The following PRKAR1B variants were observed in gnomAD, a reference collection of about 807,000 sequenced individuals.
PRKAR1B encodes the protein cAMP-dependent protein kinase type I-beta regulatory subunit.
Under a neutral mutation model 46.5 loss-of-function variants are expected in PRKAR1B, and 22 were observed. That is an observed-to-expected ratio of 0.47 (90% CI 0.34 to 0.68). The LOEUF is 0.68. PRKAR1B is among the 30% of genes least tolerant of loss of function. The probability of loss-of-function intolerance (pLI) is 0.01; values close to 1 mark genes in which losing one functional copy is unlikely to be tolerated. For missense variants in PRKAR1B, 445 were observed against 535.6 expected, an observed-to-expected ratio of 0.83 and a Z score of 1.67; for synonymous variants, 259 against 217.7, an observed-to-expected ratio of 1.19 and a Z score of -1.67.
At chr7:632,645 G>A (rs1261078354) in intron 4 of PRKAR1B, among the ~76,000 whole-genome samples, 3 of 152,194 alleles carry the variant, frequency 2.0e-5, no homozygotes, top group Non-Finnish European at 4.4e-5. Flanking sequence ...ATGCTGCTGC[G>A]TGTCTGCTCT....
chr7:722,907 G>A (rs4724821), intron 1 of PRKAR1B, among the ~76,000 whole-genome samples: 54,097 of 151,488 alleles, frequency 0.36, 9,762 homozygotes, highest in South Asian at 0.49. Context: ...ATTGCAGCCT[G>A]TTTTTGTGGT....
chr7:683,403 C>T (rs544054395), intron 2 of PRKAR1B, among the ~76,000 whole-genome samples: 2 of 152,260 alleles, frequency 1.3e-5, no homozygotes, highest in East Asian at 3.9e-4. Flanking sequence ...CCAGGTGCAC[C>T]GGTCCAGGTG....
rs1400453378 is a variant in PRKAR1B, at chr7:638,875, G to A, written c.441-31423C>T. Among the ~76,000 whole-genome samples, 7 of 151,586 alleles carry A rather than the reference G, an allele frequency of 4.6e-5. No individual in the cohort carries two copies. In the East Asian group the frequency reaches 7.8e-4, roughly 17 times the overall value. On this transcript the variant is annotated intron_variant, in intron 4 of 10. Coordinates refer to ENST00000537384, the MANE Select transcript of PRKAR1B (RefSeq NM_001164760.2). ...GCGGATCACTTGAGGTCAGGAGTTCGAGACCATCCTGGCCAACATGGTGAA... is the reference window on the plus strand; with the variant it reads ...GCGGATCACTTGAGGTCAGGAGTTCAAGACCATCCTGGCCAACATGGTGAA...
At chr7:726,574 CACG>C (rs1781293346) in intron 1 of PRKAR1B, 4 of 543,532 alleles carry the variant, frequency 7.4e-6, no homozygotes, top group Admixed American at 4.9e-5. Context: ...AGCGGGCGAG[CACG>C]ACAAGAGCAC....
chr7:588,340 T>A (rs187773631), intron 7 of PRKAR1B, among the ~76,000 whole-genome samples: 3 of 152,208 alleles, frequency 2.0e-5, no homozygotes, highest in Admixed American at 2.0e-4. Flanking sequence ...AATGAGACCA[T>A]AAAAATCCCT....
intron 1 of PRKAR1B, among the ~76,000 whole-genome samples, chr7:725,066 T>C (rs1008522883): frequency 6.6e-6 from 1 of 151,888 alleles, no homozygotes; most frequent in African/African-American, 2.4e-5. Flanking sequence ...TACAAAAAAT[T>C]AGCTGGGCGT....
At chr7:717,089 G>A (rs959845045) in intron 1 of PRKAR1B, among the ~76,000 whole-genome samples, 65 of 152,194 alleles carry the variant, frequency 4.3e-4, no homozygotes, top group African/African-American at 1.3e-3. Flanking sequence ...CCAGGAGTTC[G>A]AGACCAGCCT....
chr7:580,421 G>C (rs899836879), intron 8 of PRKAR1B, among the ~76,000 whole-genome samples: 1 of 151,718 alleles, frequency 6.6e-6, no homozygotes, highest in Non-Finnish European at 1.5e-5. Context: ...AATAATACAT[G>C]AATAACAAAA....
chr7:711,202 G>A lies in PRKAR1B; in HGVS notation c.177+127C>T. 4 of 1,322,716 alleles carry A rather than the reference G, an allele frequency of 3.0e-6. No individual in the cohort carries two copies. The South Asian group carries it at 4.1e-5, about 14-fold the overall frequency. 81.9% of individuals were successfully genotyped at this position (1,322,716 alleles called of 1,614,324 possible). ...CCCCGCGCTTCTGGAAGGACCTGCA[G>A]GACGGCAGACAGTCTCTGGGGCACC... is the stretch of plus-strand genomic sequence containing the variant. On this transcript the variant is annotated intron_variant, in intron 2 of 10. Transcript: ENST00000537384.
intron 3 of PRKAR1B, among the ~76,000 whole-genome samples, chr7:679,461 G>A (rs985139635): frequency 6.6e-6 from 1 of 152,228 alleles, no homozygotes; most frequent in South Asian, 2.1e-4. Flanking sequence ...TGAAGTTCTG[G>A]GTCTTGGGGA....
rs1780622833 is a variant in PRKAR1B, at chr7:711,418, C to T, written c.88G>A (p.Val30Ile). The change falls in exon 2 of 11, where the codon GTC (valine) becomes ATC (isoleucine). Residue 30 changes from valine to isoleucine, a missense_variant. Physicochemically the swap from Val to Ile is conservative, Grantham distance 29 (BLOSUM62 3). Coordinates refer to ENST00000537384, the MANE Select transcript of PRKAR1B (RefSeq NM_001164760.2). ...AGGTGGACGATACAGTCTTTGAGGA[C>T]CTGCTGGATCCCGTGCAGCTGCACG... is the stretch of plus-strand genomic sequence containing the variant. ...LYVQLHGIQQVLKDCIVHLCI... is the reference protein window; with the variant it reads ...LYVQLHGIQQILKDCIVHLCI... The T allele has an allele frequency of 6.2e-7, 1 of 1,614,244 alleles. No homozygotes were observed. The highest frequency in any genetic ancestry group is 1.1e-5 in the South Asian group (1 of 91,090).
intron 2 of PRKAR1B, among the ~76,000 whole-genome samples, chr7:707,208 G>A (rs1203175547): frequency 2.6e-5 from 4 of 152,178 alleles, no homozygotes; most frequent in South Asian, 2.1e-4. Flanking sequence ...TGTAGAACAC[G>A]CATGCAACTT....
chr7:641,389 A>G (rs181374369), intron 4 of PRKAR1B, among the ~76,000 whole-genome samples: 3 of 152,296 alleles, frequency 2.0e-5, no homozygotes, highest in East Asian at 3.9e-4. Context: ...ATAGCTCCAA[A>G]CAGAAAACAA....
At chr7:715,992 G>A (rs1315053064) in intron 1 of PRKAR1B, among the ~76,000 whole-genome samples, 2 of 151,976 alleles carry the variant, frequency 1.3e-5, no homozygotes, top group Non-Finnish European at 2.9e-5. Context: ...TGGGATTACA[G>A]GCGTGAGCCA....
intron 2 of PRKAR1B, among the ~76,000 whole-genome samples, chr7:686,569 G>A (rs184546675): frequency 7.2e-5 from 11 of 152,198 alleles, no homozygotes; most frequent in African/African-American, 2.4e-4. Context: ...TGACATGGTT[G>A]TTCTTGCAGT....
intron 9 of PRKAR1B, among the ~76,000 whole-genome samples, chr7:559,011 T>C (rs1778620582): frequency 6.6e-6 from 1 of 152,178 alleles, no homozygotes; most frequent in Admixed American, 6.5e-5. Context: ...CAGGTTCCCA[T>C]GGACACAGAC....
intron 4 of PRKAR1B, among the ~76,000 whole-genome samples, chr7:673,045 T>TA (rs992683667): frequency 0.019 from 512 of 26,526 alleles, 112 homozygotes; most frequent in East Asian, 0.03. Context: ...GCCTTGTCTT[T>TA]AAAAAAAAAA....
intron 4 of PRKAR1B, among the ~76,000 whole-genome samples, chr7:658,039 G>A (rs763078106): frequency 7.9e-5 from 12 of 152,138 alleles, no homozygotes; most frequent in Non-Finnish European, 1.6e-4. Flanking sequence ...AACACAGGCC[G>A]AGACAGCAGC....
rs1778989823 is a variant in PRKAR1B, at chr7:685,308, G to GTATATATACGTATACATA, written c.178-4583_178-4582insTATGTATACGTATATATA. Among the ~76,000 whole-genome samples, 3 of 11,314 alleles carry GTATATATACGTATACATA rather than the reference G, an allele frequency of 2.7e-4. 1 individual carries two copies. The highest frequency in any genetic ancestry group is 4.3e-4 in the Non-Finnish European group (3 of 6,966). The allele number at this position is 11,314 out of a possible 152,430, so 7.4% of individuals were successfully genotyped here. On this transcript the variant is annotated intron_variant, in intron 2 of 10. Transcript: ENST00000537384. ...TATATATGTATACATATATATATAC[G>GTATATATACGTATACATA]TATATATACGTATATATACGTATAT...
Sources: allele counts gnomAD v4.1 joint callset (sites outside exome capture counted in the v4.1 genomes callset), GRCh38; gene constraint gnomAD v4.1.1; transcripts MANE v1.5; gene names NCBI Gene and HGNC (gene_info 2026-07-23, HGNC 2026-07-21).